Variants in CLDN1 observed in about 807,000 individuals in gnomAD.
CLDN1 encodes claudin-1.
In CLDN1, 12 loss-of-function variants were observed where a neutral mutation model predicts 22.6. The ratio of observed to expected loss-of-function variants is 0.53; its 90% CI spans 0.34 to 0.86. CLDN1 has a LOEUF of 0.86. Among genes scored for constraint, CLDN1 ranks in the 40% least tolerant of loss-of-function variants. CLDN1 has a pLI of 0.02. For synonymous variants in CLDN1, 99 were observed against 103.8 expected, an observed-to-expected ratio of 0.95 and a Z score of 0.28; for missense variants, 250 against 269.5, an observed-to-expected ratio of 0.93 and a Z score of 0.51.
intron 1 of CLDN1, among the ~76,000 whole-genome samples, chr3:190,317,164 T>A (rs1716791774): frequency 6.6e-6 from 1 of 152,192 alleles, no homozygotes; most frequent in South Asian, 2.1e-4. Flanking sequence ...AGAACAAACC[T>A]AGGAACAAAC....
chr3:190,313,365 G>T, intron 1 of CLDN1: 1 of 303,338 alleles, frequency 3.3e-6, no homozygotes, highest in East Asian at 8.0e-5. Flanking sequence ...TTTTACTAAG[G>T]GATTTTCATC....
rs1716950273 is a variant in CLDN1 at position 190,322,319 on chromosome 3, G to A, written c.-113C>T. Reference sequence around the variant, plus strand: ...GGCTGGGCCCCGCGGAGGAAGTTAAGGCGGGGAGCCCTGCTCGCTGCGCCG... The same window carrying A: ...GGCTGGGCCCCGCGGAGGAAGTTAAAGCGGGGAGCCCTGCTCGCTGCGCCG... On this transcript the variant is annotated 5_prime_UTR_variant, in exon 1 of 4. Coordinates refer to ENST00000295522, the MANE Select transcript of CLDN1 (RefSeq NM_021101.5). 1.0e-6 allele frequency: 1 copy of A among 971,436 alleles called. No individual in the cohort carries two copies. The highest frequency in any genetic ancestry group is 1.6e-6 in the Non-Finnish European group (1 of 630,312). 60.2% of individuals were successfully genotyped at this position (971,436 alleles called of 1,614,324 possible). A position where few individuals can be genotyped will look rare whatever the true frequency, so the allele number is the denominator to read the frequency against.
chr3:190,320,100 C>T (rs1164281025), intron 1 of CLDN1, among the ~76,000 whole-genome samples: 1 of 152,104 alleles, frequency 6.6e-6, no homozygotes, highest in Admixed American at 6.5e-5. Flanking sequence ...AGTCCTTTCA[C>T]CCTAGTTTTA....
rs1716481714 is a variant in CLDN1 at position 190,307,334 on chromosome 3, GT to G, written c.*942del. The G allele has an allele frequency of 6.6e-6, 1 of 152,202 alleles. No individual in the cohort carries two copies. The highest frequency in any genetic ancestry group is 2.1e-4 in the South Asian group (1 of 4,834). 9.4% of individuals were successfully genotyped at this position (152,202 alleles called of 1,614,324 possible). A position where few individuals can be genotyped will look rare whatever the true frequency, so the allele number is the denominator to read the frequency against. ...TTAAGGAATGGGGAACAAAAAGGTAGTTTAGGGGGATATAAAACTATGAATA... is the reference window on the plus strand; with the variant it reads ...TTAAGGAATGGGGAACAAAAAGGTAGTTAGGGGGATATAAAACTATGAATA... On this transcript the variant is annotated 3_prime_UTR_variant, in exon 4 of 4. Coordinates refer to ENST00000295522, the MANE Select transcript of CLDN1 (RefSeq NM_021101.5).
chr3:190,310,215 T>A lies in CLDN1; in HGVS notation c.427A>T (p.Arg143Ter). ...ILVATAWYGN[R>*]IVQEFYDPMT... ...GGGTCATAGAATTCTTGAACGATTC[T>A]ATTGCCATACCATGCTGTGGCAACT... The change falls in exon 3 of 4, where the codon AGA becomes TGA. Residue 143 changes from arginine (R) to a stop codon, truncating the protein, a stop_gained. Coordinates refer to ENST00000295522, the MANE Select transcript of CLDN1 (RefSeq NM_021101.5). LOFTEE classifies it high-confidence loss of function. 6.2e-7 allele frequency: 1 copy of A among 1,613,958 alleles called. No individual in the cohort carries two copies. The highest frequency in any genetic ancestry group is 1.1e-5 in the South Asian group (1 of 91,076).
intron 3 of CLDN1, among the ~76,000 whole-genome samples, chr3:190,309,927 A>G (rs1166688532): frequency 6.6e-6 from 1 of 152,216 alleles, no homozygotes; most frequent in East Asian, 1.9e-4. Context: ...CCAGTTATAC[A>G]GTTGAAAAGC....
At chr3:190,315,471 T>C (rs1353945178) in intron 1 of CLDN1, among the ~76,000 whole-genome samples, 1 of 152,154 alleles carries the variant, frequency 6.6e-6, no homozygotes, top group African/African-American at 2.4e-5. Flanking sequence ...AGATGGATTC[T>C]ATTCTAAGTA....
intron 2 of CLDN1, among the ~76,000 whole-genome samples, chr3:190,310,613 A>T (rs1304023626): frequency 1.3e-5 from 2 of 152,238 alleles, no homozygotes; most frequent in South Asian, 2.1e-4. Context: ...CATTATTAGT[A>T]CAGGTAGAAT....
intron 1 of CLDN1, among the ~76,000 whole-genome samples, chr3:190,320,934 C>T (rs1181308728): frequency 3.3e-5 from 5 of 151,758 alleles, no homozygotes; most frequent in Non-Finnish European, 5.9e-5. Flanking sequence ...AATGACTTTT[C>T]GGACAAGGAA....
chr3:190,314,341 T>G (rs984184443), intron 1 of CLDN1, among the ~76,000 whole-genome samples: 25 of 152,218 alleles, frequency 1.6e-4, no homozygotes, highest in Admixed American at 1.6e-3. Flanking sequence ...CTTGATTTAC[T>G]GATTTTCTGT....
chr3:190,318,626 A>G (rs1322853639), intron 1 of CLDN1, among the ~76,000 whole-genome samples: 2 of 152,244 alleles, frequency 1.3e-5, no homozygotes, highest in Non-Finnish European at 2.9e-5. Flanking sequence ...CAGTAAGAAC[A>G]GAGAATTTCT....
chr3:190,317,145 G>T (rs919118071), intron 1 of CLDN1, among the ~76,000 whole-genome samples: 19 of 151,978 alleles, frequency 1.3e-4, no homozygotes, highest in African/African-American at 4.1e-4. Flanking sequence ...ACTTTGAATT[G>T]GTCTGATTAG....
chr3:190,313,722 A>G (rs186112943), intron 1 of CLDN1, among the ~76,000 whole-genome samples: 6 of 152,324 alleles, frequency 3.9e-5, no homozygotes, highest in African/African-American at 4.8e-5. Flanking sequence ...TTTTAAAACT[A>G]TTTAAGCTGC....
intron 1 of CLDN1, among the ~76,000 whole-genome samples, chr3:190,316,789 T>C (rs1347843595): frequency 6.6e-6 from 1 of 152,176 alleles, no homozygotes; most frequent in Non-Finnish European, 1.5e-5. Context: ...TCTGTACCAA[T>C]ATGATAGGTA....
In CLDN1 at chr3:190,322,057, C is replaced by G. The variant is rs137884424; in HGVS notation, c.150G>C (p.Leu50=). The G allele has an allele frequency of 2.5e-6, 4 of 1,614,120 alleles. No individual in the cohort carries two copies. The African/African-American group carries it at 5.3e-5, about 22-fold the overall frequency. ...TGCTCTGCGACACGCAGGACATCCACAGCCCCTCGTACATGGCCTGGGCGG... is the reference window on the plus strand; with the variant it reads ...TGCTCTGCGACACGCAGGACATCCAGAGCCCCTCGTACATGGCCTGGGCGG... ...IVTAQAMYEG[L]WMSCVSQSTG... The change falls in exon 1 of 4, where the codon CTG becomes CTC. Residue 50 remains leucine (L), a synonymous_variant. Coordinates refer to ENST00000295522, the MANE Select transcript of CLDN1 (RefSeq NM_021101.5).
chr3:190,310,746 A>C (rs1174960808), intron 2 of CLDN1, among the ~76,000 whole-genome samples: 3 of 152,176 alleles, frequency 2.0e-5, no homozygotes, highest in Non-Finnish European at 4.4e-5. Context: ...ATGTCTCAGA[A>C]TGGACCAGAA....
At chr3:190,310,004 T>C (rs190350375) in intron 3 of CLDN1, among the ~76,000 whole-genome samples, 165 bp downstream of exon 3, 3 of 152,202 alleles carry the variant, frequency 2.0e-5, no homozygotes, top group African/African-American at 7.2e-5. Flanking sequence ...AAAGCAATTA[T>C]CAAACTCATT....
intron 1 of CLDN1, among the ~76,000 whole-genome samples, chr3:190,314,367 G>A (rs1426797034): frequency 6.6e-6 from 1 of 151,902 alleles, no homozygotes; most frequent in Non-Finnish European, 1.5e-5. Flanking sequence ...CTATAACCAG[G>A]CAATCTATGA....
Position 190,306,449 on chromosome 3 carries a change from A to T in CLDN1, c.*1828T>A, listed in dbSNP as rs2108603634. 1 of 152,294 alleles carries T rather than the reference A, an allele frequency of 6.6e-6. No homozygotes were observed. Among genetic ancestry groups the T allele is most frequent in the East Asian group, 1.9e-4 (1 of 5,182 alleles). 9.4% of individuals were successfully genotyped at this position (152,294 alleles called of 1,614,324 possible). A position where few individuals can be genotyped will look rare whatever the true frequency, so the allele number is the denominator to read the frequency against. ...CCAAAACGTATGCAGTTAATTCCTC[A>T]ATTCTTTCCCTTAGTATAGCACTTT... is the stretch of plus-strand genomic sequence containing the variant. On this transcript the variant is annotated 3_prime_UTR_variant, in exon 4 of 4. Coordinates refer to ENST00000295522, the MANE Select transcript of CLDN1 (RefSeq NM_021101.5).
Sources: allele counts gnomAD v4.1 joint callset (sites outside exome capture counted in the v4.1 genomes callset), GRCh38; gene constraint gnomAD v4.1.1; transcripts MANE v1.5; gene names NCBI Gene and HGNC (gene_info 2026-07-23, HGNC 2026-07-21).